Variants in ARB2A observed in about 807,000 individuals in gnomAD.
ARB2A encodes the protein cotranscriptional regulator ARB2A.
the ARB2A span, among the ~76,000 whole-genome samples, chr5:93,830,230 A>G: frequency 6.7e-6 from 1 of 149,648 alleles, no homozygotes; most frequent in Admixed American, 6.7e-5. Context: ...AATACCTGAG[A>G]TGGTCCTAAA....
the ARB2A span, among the ~76,000 whole-genome samples, chr5:94,008,969 T>C: frequency 6.6e-6 from 1 of 152,148 alleles, no homozygotes; most frequent in Non-Finnish European, 1.5e-5. Context: ...ATTTTAGCAA[T>C]ATGTAGGTTT....
chr5:94,072,956 A>G, the ARB2A span, among the ~76,000 whole-genome samples: 5 of 152,056 alleles, frequency 3.3e-5, no homozygotes, highest in Admixed American at 3.3e-4. Flanking sequence ...GTTGTACCTG[A>G]CATTTTTCTC....
chr5:93,886,272 C>T, the ARB2A span, among the ~76,000 whole-genome samples: 1 of 151,742 alleles, frequency 6.6e-6, no homozygotes, highest in Non-Finnish European at 1.5e-5. Context: ...CCTGACAATA[C>T]TGCAAGCCAC....
the ARB2A span, among the ~76,000 whole-genome samples, chr5:93,967,350 C>G: frequency 6.6e-6 from 1 of 152,006 alleles, no homozygotes; most frequent in Non-Finnish European, 1.5e-5. Context: ...TACTACTGAC[C>G]TTACAAAAAC....
chr5:93,763,298 A>T, the ARB2A span, among the ~76,000 whole-genome samples: 1 of 152,170 alleles, frequency 6.6e-6, no homozygotes, highest in Non-Finnish European at 1.5e-5. Flanking sequence ...TATTCAGGAA[A>T]CCCATCTCAC....
the ARB2A span, among the ~76,000 whole-genome samples, chr5:93,928,362 AAAT>A: frequency 6.6e-6 from 1 of 152,198 alleles, no homozygotes. Flanking sequence ...ATCCATAGGC[AAAT>A]ATAAATGAGA....
the ARB2A span, among the ~76,000 whole-genome samples, chr5:93,893,480 G>A: frequency 6.6e-6 from 1 of 152,168 alleles, no homozygotes; most frequent in Non-Finnish European, 1.5e-5. Flanking sequence ...CGGGTGTCCA[G>A]TAATGGTTAA....
At chr5:93,846,166 T>C in the ARB2A span, among the ~76,000 whole-genome samples, 384 of 152,152 alleles carry the variant, frequency 2.5e-3, 1 homozygote, top group African/African-American at 9.0e-3. Context: ...TCTGATAAGA[T>C]AAGGAAAGCA....
At chr5:93,854,419 T>C in the ARB2A span, among the ~76,000 whole-genome samples, 1 of 152,206 alleles carries the variant, frequency 6.6e-6, no homozygotes, top group African/African-American at 2.4e-5. Context: ...CCTAGATTCA[T>C]GAATTTTTTG....
the ARB2A span, among the ~76,000 whole-genome samples, chr5:93,834,606 C>A: frequency 6.6e-6 from 1 of 152,028 alleles, no homozygotes; most frequent in Admixed American, 6.6e-5. Context: ...ATATTTGCAG[C>A]CTTCTACAAA....
At chr5:94,109,325 G>A in the ARB2A span, among the ~76,000 whole-genome samples, 1 of 152,160 alleles carries the variant, frequency 6.6e-6, no homozygotes, top group South Asian at 2.1e-4. Flanking sequence ...AGTTTCAGTT[G>A]GGGATGATGA....
At chr5:93,952,542 T>C in the ARB2A span, among the ~76,000 whole-genome samples, 8 of 152,308 alleles carry the variant, frequency 5.3e-5, no homozygotes, top group East Asian at 7.7e-4. Context: ...GCCAGAAGTA[T>C]TGGAGCTCCA....
chr5:93,753,510 T>C, the ARB2A span, among the ~76,000 whole-genome samples: 3 of 152,176 alleles, frequency 2.0e-5, no homozygotes, highest in Non-Finnish European at 1.5e-5. Flanking sequence ...CGGGGCTTAG[T>C]AGTTAGGTAC....
chr5:93,645,682 T>C, the ARB2A span, among the ~76,000 whole-genome samples: 8 of 152,244 alleles, frequency 5.3e-5, no homozygotes, highest in African/African-American at 1.4e-4. Context: ...TCTAAAATGA[T>C]TGTTAGAGAA....
the ARB2A span, among the ~76,000 whole-genome samples, chr5:93,905,174 A>G: frequency 6.6e-6 from 1 of 151,866 alleles, no homozygotes; most frequent in East Asian, 1.9e-4. Flanking sequence ...TATGGTGAAT[A>G]CAGTAGACAG....
At chr5:93,961,543 G>C in the ARB2A span, among the ~76,000 whole-genome samples, 3 of 152,106 alleles carry the variant, frequency 2.0e-5, no homozygotes, top group Non-Finnish European at 4.4e-5. Flanking sequence ...AATTAGCTAG[G>C]TGTGGTGGTG....
the ARB2A span, among the ~76,000 whole-genome samples, chr5:93,751,947 G>C: frequency 2.0e-5 from 3 of 152,156 alleles, no homozygotes; most frequent in Non-Finnish European, 4.4e-5. Flanking sequence ...GGGCAAGTGA[G>C]CCCAGGCACA....
At chr5:93,701,439 G>A in the ARB2A span, among the ~76,000 whole-genome samples, 1 of 152,034 alleles carries the variant, frequency 6.6e-6, no homozygotes, top group Non-Finnish European at 1.5e-5. Flanking sequence ...TTCAGTTTAA[G>A]GGACTAAGGT....
At chr5:94,074,942 T>G in the ARB2A span, among the ~76,000 whole-genome samples, 1 of 152,098 alleles carries the variant, frequency 6.6e-6, no homozygotes, top group African/African-American at 2.4e-5. Flanking sequence ...ATTTATGAAT[T>G]TATCTGAGTC....
Sources: allele counts gnomAD v4.1 joint callset (sites outside exome capture counted in the v4.1 genomes callset), GRCh38; gene constraint gnomAD v4.1.1; transcripts MANE v1.5; gene names NCBI Gene and HGNC (gene_info 2026-07-23, HGNC 2026-07-21).